TMCC1: variants seen among roughly 807,000 people sequenced by gnomAD.
TMCC1 encodes transmembrane and coiled-coil domain family 1.
A neutral mutation model predicts 52.4 loss-of-function variants in TMCC1; 15 were observed. The observed-to-expected ratio is 0.29, with a 90% CI of 0.19 to 0.44. The LOEUF is 0.44. Ranked by LOEUF, TMCC1 falls within the 20% of genes least tolerant of loss-of-function variation. The pLI, the probability that TMCC1 is intolerant of heterozygous loss-of-function variation, is 1.00. For missense variants in TMCC1, 503 were observed against 806.0 expected, an observed-to-expected ratio of 0.62 and a Z score of 4.55; for synonymous variants, 279 against 301.9, an observed-to-expected ratio of 0.92 and a Z score of 0.79.
intron 4 of TMCC1, among the ~76,000 whole-genome samples, chr3:129,820,286 C>T (rs2058353518): frequency 6.6e-6 from 1 of 151,602 alleles, no homozygotes; most frequent in South Asian, 2.1e-4. Context: ...GATAGTAATA[C>T]TTCACAGTAC....
chr3:129,882,100 C>A lies in TMCC1; in HGVS notation c.-434-1541G>T, dbSNP rs186401057. Among the ~76,000 whole-genome samples the A allele has an allele frequency of 3.9e-3, 595 of 151,950 alleles. 6 individuals carry two copies. Among genetic ancestry groups the A allele is most frequent in the Non-Finnish European group, 3.9e-3 (266 of 67,972 alleles). On this transcript the variant is annotated intron_variant, in intron 1 of 6. Coordinates refer to ENST00000393238, the MANE Select transcript of TMCC1 (RefSeq NM_001017395.5). ...ACATAAAGAAAAATCTTAAAAGGAG[C>A]CAGAGGAATATGGAATGAGAGAAAA...
At chr3:129,821,258 T>C (rs2058405474) in intron 4 of TMCC1, among the ~76,000 whole-genome samples, 1 of 152,180 alleles carries the variant, frequency 6.6e-6, no homozygotes, top group South Asian at 2.1e-4. Flanking sequence ...GCAAAGAGCT[T>C]AGACTCAGCC....
chr3:129,850,560 T>C (rs2059871335), intron 2 of TMCC1, among the ~76,000 whole-genome samples: 1 of 152,170 alleles, frequency 6.6e-6, no homozygotes, highest in African/African-American at 2.4e-5. Context: ...TCTGAGTTTT[T>C]CTCCCCAAGC....
chr3:129,873,508 C>T (rs1195836888), intron 2 of TMCC1, among the ~76,000 whole-genome samples: 1 of 151,702 alleles, frequency 6.6e-6, no homozygotes, highest in African/African-American at 2.4e-5. Flanking sequence ...ATAGCAAGAC[C>T]CTGTCTCGAA....
chr3:129,833,838 T>C (rs548774577), intron 2 of TMCC1, among the ~76,000 whole-genome samples: 1 of 152,330 alleles, frequency 6.6e-6, no homozygotes, highest in South Asian at 2.1e-4. Context: ...CAACTGAGAA[T>C]TGGAAGCACC....
chr3:129,727,905 T>C (rs1230804628), intron 4 of TMCC1, among the ~76,000 whole-genome samples: 2 of 152,172 alleles, frequency 1.3e-5, no homozygotes, highest in African/African-American at 4.8e-5. Context: ...CGAACTCAGC[T>C]GCCATGCTAC....
chr3:129,760,029 T>A (rs951368589), intron 4 of TMCC1, among the ~76,000 whole-genome samples: 19 of 150,346 alleles, frequency 1.3e-4, no homozygotes, highest in South Asian at 2.1e-4. Flanking sequence ...CCCAAAAAAA[T>A]TTTTTTTAAT....
chr3:129,662,623 G>A (rs2087128121), intron 5 of TMCC1, among the ~76,000 whole-genome samples: 1 of 152,092 alleles, frequency 6.6e-6, no homozygotes, highest in South Asian at 2.1e-4. Flanking sequence ...GGGCAAGAGT[G>A]AGACTCCATC....
At chr3:129,706,218 T>G (rs2108985285) in intron 4 of TMCC1, among the ~76,000 whole-genome samples, 1 of 151,828 alleles carries the variant, frequency 6.6e-6, no homozygotes, top group South Asian at 2.1e-4. Context: ...TTATTTTTAT[T>G]TTTTGAGATG....
chr3:129,691,700 T>C (rs1373205572), intron 4 of TMCC1, among the ~76,000 whole-genome samples: 1 of 152,134 alleles, frequency 6.6e-6, no homozygotes, highest in Non-Finnish European at 1.5e-5. Context: ...AAAGGGATCA[T>C]TTGAGCCTAG....
intron 2 of TMCC1, among the ~76,000 whole-genome samples, chr3:129,853,840 T>C (rs1460747575): frequency 6.6e-6 from 1 of 152,144 alleles, no homozygotes; most frequent in Non-Finnish European, 1.5e-5. Flanking sequence ...GTATTCCTTT[T>C]GTCAGTGAAG....
chr3:129,833,105 CAATA>C (rs1464032828), intron 2 of TMCC1, among the ~76,000 whole-genome samples: 2 of 151,916 alleles, frequency 1.3e-5, no homozygotes, highest in African/African-American at 4.8e-5. Flanking sequence ...TTTTAAGAAG[CAATA>C]AATATTTTAA....
At chr3:129,787,245 T>C (rs2056105499) in intron 4 of TMCC1, among the ~76,000 whole-genome samples, 1 of 152,158 alleles carries the variant, frequency 6.6e-6, no homozygotes, top group Non-Finnish European at 1.5e-5. Flanking sequence ...ACAAAAACCT[T>C]TGGAATAAAT....
intron 4 of TMCC1, among the ~76,000 whole-genome samples, chr3:129,783,729 T>C (rs911004936): frequency 6.6e-6 from 1 of 152,250 alleles, no homozygotes; most frequent in African/African-American, 2.4e-5. Context: ...ATAATCATTA[T>C]GCCATTGTAA....
At chr3:129,892,227 CT>C (rs1020895674) in intron 1 of TMCC1, among the ~76,000 whole-genome samples, 12 of 152,294 alleles carry the variant, frequency 7.9e-5, no homozygotes, top group African/African-American at 2.6e-4. Flanking sequence ...GCTCAAAACT[CT>C]TCAGAAATTA....
intron 4 of TMCC1, among the ~76,000 whole-genome samples, chr3:129,696,693 G>A (rs1320357204): frequency 6.6e-6 from 1 of 152,204 alleles, no homozygotes; most frequent in Non-Finnish European, 1.5e-5. Flanking sequence ...TAAAAAGCAA[G>A]TTAGTTACTT....
chr3:129,893,196 G>A (rs977515586), intron 1 of TMCC1: 5 of 152,320 alleles, frequency 3.3e-5, no homozygotes, highest in Admixed American at 1.3e-4. Flanking sequence ...GCCCTGGGAT[G>A]CTGGGAAGGG....
intron 4 of TMCC1, among the ~76,000 whole-genome samples, chr3:129,792,297 C>G (rs1422712790): frequency 1.3e-5 from 2 of 151,858 alleles, no homozygotes; most frequent in African/African-American, 2.4e-5. Flanking sequence ...CCCTGGCTCT[C>G]AGGTAACCTA....
chr3:129,672,021 C>T (rs939852777), intron 4 of TMCC1, among the ~76,000 whole-genome samples: 4 of 152,100 alleles, frequency 2.6e-5, no homozygotes, highest in Non-Finnish European at 5.9e-5. Flanking sequence ...TCTTTCGGAG[C>T]CCATATTTTG....
Sources: gnomAD v4.1 joint callset for allele counts (sites outside exome capture counted in the v4.1 genomes callset) on GRCh38, gnomAD v4.1.1 for gene constraint, MANE v1.5 for transcripts, NCBI Gene and HGNC (gene_info 2026-07-23, HGNC 2026-07-21) for gene names.